Variants in KLF8 observed in about 807,000 individuals in gnomAD.
KLF8 encodes the protein KLF transcription factor 8.
KLF8 carries 10 observed loss-of-function variants against 18.2 expected under a neutral mutation model. That is an observed-to-expected ratio of 0.55 (90% confidence interval 0.34 to 0.93). The LOEUF is 0.93. KLF8 is among the 40% of genes least tolerant of loss of function. The pLI is 0.02. For synonymous variants in KLF8, 109 were observed against 97.3 expected (o/e 1.12, Z -0.71); for missense variants, 264 against 277.9 (o/e 0.95, Z 0.36).
chrX:56,210,829 G>C, the KLF8 span, among the ~76,000 whole-genome samples: 6 of 108,437 alleles, frequency 5.5e-5, no homozygotes, highest in Non-Finnish European at 5.7e-5. Context: ...AAAAGACTCT[G>C]ATGCATTCTT....
the KLF8 span, among the ~76,000 whole-genome samples, chrX:56,058,884 G>A: frequency 1.8e-5 from 2 of 111,518 alleles, no homozygotes; most frequent in Non-Finnish European, 3.8e-5. Context: ...GGATTGCTGG[G>A]TCAAATGATA....
At chrX:56,278,824 C>T (rs1433163916) in intron 5 of KLF8, among the ~76,000 whole-genome samples, 1 of 111,891 alleles carries the variant, frequency 8.9e-6, no homozygotes, top group Non-Finnish European at 1.9e-5. Context: ...TCCCAGAATT[C>T]AAGTTCTGAC....
At chrX:56,080,814 A>T in the KLF8 span, among the ~76,000 whole-genome samples, 1 of 111,196 alleles carries the variant, frequency 9.0e-6, no homozygotes, top group Non-Finnish European at 1.9e-5. Flanking sequence ...GTCTTTTCAC[A>T]TAGTCCCATA....
chrX:56,089,961 C>G, the KLF8 span, among the ~76,000 whole-genome samples: 1 of 111,782 alleles, frequency 8.9e-6, no homozygotes. Context: ...GTCCTGCTGT[C>G]CAGAGAAACT....
the KLF8 span, among the ~76,000 whole-genome samples, chrX:55,997,164 C>T: frequency 8.9e-6 from 1 of 111,895 alleles, no homozygotes; most frequent in Non-Finnish European, 1.9e-5. Context: ...GGCTGATATA[C>T]AGTAGGGGCA....
chrX:56,117,551 C>T, the KLF8 span, among the ~76,000 whole-genome samples: 1 of 111,529 alleles, frequency 9.0e-6, no homozygotes, highest in East Asian at 2.8e-4. Flanking sequence ...CAGCTTATTC[C>T]TCAATCAGAA....
chrX:56,167,694 A>G, the KLF8 span, among the ~76,000 whole-genome samples: 1 of 111,689 alleles, frequency 9.0e-6, no homozygotes, highest in Admixed American at 9.6e-5. Flanking sequence ...AGCCCTTACC[A>G]TGACAGGCAC....
At chrX:56,078,451 T>A in the KLF8 span, among the ~76,000 whole-genome samples, 1 of 112,170 alleles carries the variant, frequency 8.9e-6, no homozygotes, top group Non-Finnish European at 1.9e-5. Flanking sequence ...CATTTATTGA[T>A]TTGCATATAT....
chrX:55,919,339 C>CA, the KLF8 span, among the ~76,000 whole-genome samples: 1 of 111,715 alleles, frequency 9.0e-6, no homozygotes, highest in Non-Finnish European at 1.9e-5. Context: ...CAAGAACTAC[C>CA]ACAGGAACAC....
intron 5 of KLF8, among the ~76,000 whole-genome samples, chrX:56,271,412 C>G (rs888162537): frequency 1.8e-5 from 2 of 111,854 alleles, no homozygotes; most frequent in African/African-American, 6.5e-5. Context: ...CCAGATGCAG[C>G]TTGTCATTTA....
chrX:55,982,438 C>T, the KLF8 span, among the ~76,000 whole-genome samples: 1 of 111,836 alleles, frequency 8.9e-6, no homozygotes, highest in Non-Finnish European at 1.9e-5. Flanking sequence ...TGCCTCTTTC[C>T]TAGGTCAGGC....
the KLF8 span, among the ~76,000 whole-genome samples, chrX:56,204,869 A>G: frequency 9.0e-6 from 1 of 110,567 alleles, no homozygotes; most frequent in East Asian, 2.9e-4. Flanking sequence ...TTTCATTTTA[A>G]GGGTAACCTA....
the KLF8 span, among the ~76,000 whole-genome samples, chrX:56,083,387 G>A: frequency 2.7e-5 from 3 of 111,726 alleles, no homozygotes; most frequent in South Asian, 3.7e-4. Context: ...AAGCCCTTAT[G>A]TTTAACAAAC....
At chrX:56,264,715 C>T (rs187838287) in intron 2 of KLF8, among the ~76,000 whole-genome samples, 5 of 111,421 alleles carry the variant, frequency 4.5e-5, no homozygotes, top group African/African-American at 6.5e-5. Flanking sequence ...TCCTTGAAGC[C>T]TTCCCTTTCT....
the KLF8 span, among the ~76,000 whole-genome samples, chrX:56,042,286 T>G: frequency 2.7e-5 from 3 of 112,008 alleles, no homozygotes; most frequent in East Asian, 8.4e-4. Context: ...GAGTGTTTTC[T>G]TTCTGATTTT....
the KLF8 span, among the ~76,000 whole-genome samples, chrX:55,987,456 T>A: frequency 9.0e-6 from 1 of 110,814 alleles, no homozygotes; most frequent in African/African-American, 3.3e-5. Context: ...TGGTGTTTGG[T>A]TTTTTGTCCT....
the KLF8 span, among the ~76,000 whole-genome samples, chrX:55,989,000 G>A: frequency 2.7e-5 from 3 of 111,621 alleles, no homozygotes; most frequent in African/African-American, 9.8e-5. Context: ...TTGGCTCTCT[G>A]TTTGTCTGTT....
the KLF8 span, among the ~76,000 whole-genome samples, chrX:56,212,818 C>T: frequency 9.0e-6 from 1 of 111,499 alleles, no homozygotes; most frequent in Non-Finnish European, 1.9e-5. Flanking sequence ...AGATAGTTAA[C>T]TTGGTGTCCT....
At chrX:55,913,038 T>A in the KLF8 span, among the ~76,000 whole-genome samples, 2 of 111,841 alleles carry the variant, frequency 1.8e-5, no homozygotes, top group Non-Finnish European at 3.8e-5. Flanking sequence ...TACAAGCACA[T>A]TTTTTCCCTT....
Sources: allele counts gnomAD v4.1 joint callset (sites outside exome capture counted in the v4.1 genomes callset), GRCh38; gene constraint gnomAD v4.1.1; transcripts MANE v1.5; gene names NCBI Gene and HGNC (gene_info 2026-07-23, HGNC 2026-07-21).